STOX2: variants seen among roughly 807,000 people sequenced by gnomAD.
STOX2 encodes the protein storkhead box 2.
Under a neutral mutation model 60.9 loss-of-function variants are expected in STOX2, and 28 were observed. The ratio of observed to expected loss-of-function variants is 0.46; its 90% CI spans 0.34 to 0.63. The LOEUF (loss-of-function observed/expected upper bound fraction) is 0.63. Ranked by LOEUF, STOX2 falls within the 30% of genes least tolerant of loss-of-function variation. The probability of loss-of-function intolerance (pLI) is 0.01; values close to 1 mark genes in which losing one functional copy is unlikely to be tolerated. For missense variants in STOX2, 1,024 were observed against 1,187.7 expected (o/e 0.86, Z 2.03); for synonymous variants, 472 against 463.9 (o/e 1.02, Z -0.22).
rs372068145 is a variant in STOX2 at position 184,016,009 on chromosome 4, T to A, written c.2586-1080T>A. 2.7e-4 allele frequency: 41 copies of A among 152,382 alleles called. 2 individuals are homozygous for A. The highest frequency in any genetic ancestry group is 9.6e-4 in the African/African-American group (40 of 41,594). The allele number at this position is 152,382 out of a possible 1,614,324, so 9.4% of individuals were successfully genotyped here. On this transcript the variant is annotated intron_variant, in intron 3 of 3. Coordinates refer to ENST00000308497, the MANE Select transcript of STOX2 (RefSeq NM_020225.3). Reference sequence around the variant, plus strand: ...GCAATGAAATAGATTCAAGTGTTTCTAACTTAGAAAAAGTAAAAGAGAGAG... The same window carrying A: ...GCAATGAAATAGATTCAAGTGTTTCAAACTTAGAAAAAGTAAAAGAGAGAG...
intron 1 of STOX2, among the ~76,000 whole-genome samples, chr4:183,874,817 G>T (rs1033864234): frequency 4.7e-5 from 7 of 148,744 alleles, no homozygotes; most frequent in East Asian, 2.0e-4. Flanking sequence ...TCCCAGCTAC[G>T]CGGGAGGCTG....
At position 183,836,196 on chromosome 4, in the gene STOX2, A is replaced by G. The variant is rs1455631610; in HGVS notation, c.364+38141A>G. Among the ~76,000 whole-genome samples, 1 of 152,126 alleles carries G rather than the reference A, an allele frequency of 6.6e-6. No homozygotes were observed. Among genetic ancestry groups the G allele is most frequent in the East Asian group, 1.9e-4 (1 of 5,188 alleles). On this transcript the variant is annotated intron_variant, in intron 1 of 2. Transcript: ENST00000513034. This position sits in a 1 kb window ranked among gnomAD's most constrained non-coding sequence, Gnocchi z 4.1. The stretch of plus-strand genomic sequence containing the variant: ...AAATGTCTGTTCAAATCCTTTGCCC[A>G]TTGTGAGAGTCATTGACTTTGGTAT...
intron 1 of STOX2, among the ~76,000 whole-genome samples, chr4:183,966,372 G>T (rs1743569311): frequency 6.6e-6 from 1 of 152,232 alleles, no homozygotes; most frequent in Admixed American, 6.5e-5. Context: ...TACACACAGT[G>T]AGTTTCCCAA....
At position 183,898,783 on chromosome 4, in the gene STOX2, G is replaced by A. The variant is rs144201539; in HGVS notation, c.364+100728G>A. Among the ~76,000 whole-genome samples, 393 of 152,276 alleles carry A rather than the reference G, an allele frequency of 2.6e-3. 4 individuals are homozygous for A. Among genetic ancestry groups the A allele is most frequent in the Non-Finnish European group, 4.4e-3 (298 of 68,024 alleles). ...AGTGGCAAGCATGAAACCAAATAAG[G>A]ATGAAACCAAATTCAACGTCCTGAG... On this transcript the variant is annotated intron_variant, in intron 1 of 2. Coordinates refer to the STOX2 transcript ENST00000513034.
intron 1 of STOX2, among the ~76,000 whole-genome samples, chr4:183,931,017 A>G (rs1435441): frequency 0.25 from 38,389 of 151,980 alleles, 9,109 homozygotes; most frequent in African/African-American, 0.63. Flanking sequence ...AGAAACTGTC[A>G]TGTTTGTTCT....
intron 1 of STOX2, among the ~76,000 whole-genome samples, chr4:183,924,320 G>T (rs1742180505): frequency 6.6e-6 from 1 of 152,176 alleles, no homozygotes; most frequent in Non-Finnish European, 1.5e-5. Flanking sequence ...TGGGATGAGG[G>T]TGATGATGGG....
intron 1 of STOX2, among the ~76,000 whole-genome samples, chr4:183,808,648 T>C (rs28760461): frequency 0.014 from 2,100 of 152,364 alleles, 43 homozygotes; most frequent in African/African-American, 0.048. Context: ...AGCAGTACTT[T>C]AGACACTGTC....
chr4:183,925,497 C>T (rs1742215723), intron 1 of STOX2, among the ~76,000 whole-genome samples: 1 of 152,098 alleles, frequency 6.6e-6, no homozygotes, highest in Non-Finnish European at 1.5e-5. Flanking sequence ...CCCCGGCACA[C>T]TTGCAAAGTT....
chr4:184,008,127 G>A (rs1012978935), intron 2 of STOX2, among the ~76,000 whole-genome samples: 8 of 152,122 alleles, frequency 5.3e-5, no homozygotes, highest in African/African-American at 1.7e-4. Context: ...GTTAAATATG[G>A]GCAGTTTCAC....
intron 1 of STOX2, among the ~76,000 whole-genome samples, chr4:183,910,514 C>T (rs1322115404): frequency 1.3e-5 from 2 of 152,210 alleles, no homozygotes; most frequent in African/African-American, 4.8e-5. Context: ...TCCCCTCCCC[C>T]AGCCCTGGGG....
intron 1 of STOX2, among the ~76,000 whole-genome samples, chr4:183,934,242 G>A (rs1049917267): frequency 3.3e-5 from 5 of 152,142 alleles, no homozygotes; most frequent in African/African-American, 1.2e-4. Flanking sequence ...GGCGGAGGTT[G>A]TAGTGAGCTG....
At chr4:183,857,659 C>T (rs1006676529) in intron 1 of STOX2, among the ~76,000 whole-genome samples, 5 of 152,160 alleles carry the variant, frequency 3.3e-5, no homozygotes, top group African/African-American at 7.2e-5. Context: ...TCCTGAATCC[C>T]GGGCAGCTGT....
At chr4:183,958,768 C>T (rs1743331202) in intron 1 of STOX2, among the ~76,000 whole-genome samples, 2 of 152,138 alleles carry the variant, frequency 1.3e-5, no homozygotes, top group Admixed American at 1.3e-4. Context: ...GCCTCGGTGT[C>T]CCGGGCCCGC....
rs1023804699 is a variant in STOX2, at chr4:184,021,799, T to G, written c.*4515T>G. On this transcript the variant is annotated 3_prime_UTR_variant, in exon 4 of 4. Coordinates refer to ENST00000308497, the MANE Select transcript of STOX2 (RefSeq NM_020225.3). ...CTGAGGGAGCTGATCCAGTTCTAAG[T>G]GTCTTCTCGAATTAGGAGATAGATG... The G allele has an allele frequency of 6.6e-6, 1 of 152,264 alleles. No individual in the cohort carries two copies. The highest frequency in any genetic ancestry group is 1.5e-5 in the Non-Finnish European group (1 of 68,074). 9.4% of individuals were successfully genotyped at this position (152,264 alleles called of 1,614,324 possible). A position where few individuals can be genotyped will look rare whatever the true frequency, so the allele number is the denominator to read the frequency against.
At chr4:183,943,212 A>G (rs531967522) in intron 1 of STOX2, among the ~76,000 whole-genome samples, 12 of 152,250 alleles carry the variant, frequency 7.9e-5, no homozygotes, top group Admixed American at 3.3e-4. Context: ...CAACTTGGCA[A>G]TCCAGGAATA....
At chr4:183,970,424 GAGTCCCACTATGCCA>G (rs2111174472) in intron 1 of STOX2, among the ~76,000 whole-genome samples, 1 of 152,172 alleles carries the variant, frequency 6.6e-6, no homozygotes, top group South Asian at 2.1e-4. Context: ...GCTCCTCAGG[GAGTCCCACTATGCCA>G]AGCAGATGAA....
intron 1 of STOX2, among the ~76,000 whole-genome samples, chr4:183,893,219 G>T (rs542310252): frequency 4.6e-5 from 7 of 151,430 alleles, no homozygotes; most frequent in Non-Finnish European, 5.9e-5. Flanking sequence ...GATATTTTCC[G>T]CTCGTATCTA....
At chr4:183,862,080 T>C (rs4416516) in intron 1 of STOX2, among the ~76,000 whole-genome samples, 129,897 of 152,120 alleles carry the variant, frequency 0.85, 55,612 homozygotes, top group Admixed American at 0.9. Flanking sequence ...GTTCTTGCCC[T>C]AGGGAGCTTA....
intron 1 of STOX2, among the ~76,000 whole-genome samples, chr4:183,841,182 T>TCTA (rs1560840549): frequency 7.7e-6 from 1 of 129,362 alleles, no homozygotes; most frequent in Non-Finnish European, 1.6e-5. Context: ...CATCGTAGTA[T>TCTA]TTATTTATTT....
Sources: allele counts gnomAD v4.1 joint callset (sites outside exome capture counted in the v4.1 genomes callset), GRCh38; gene constraint gnomAD v4.1.1; non-coding constraint Gnocchi (gnomAD v3.1); transcripts MANE v1.5; gene names NCBI Gene and HGNC (gene_info 2026-07-23, HGNC 2026-07-21).